MUC5AC: variants seen among roughly 807,000 people sequenced by gnomAD.
The protein encoded by MUC5AC is mucin-5AC.
MUC5AC carries 158 observed loss-of-function variants against 169.7 expected under a neutral mutation model. The ratio of observed to expected loss-of-function variants is 0.93; its 90% CI spans 0.82 to 1.06. The LOEUF is 1.06. Among genes scored for constraint, MUC5AC ranks in the 50% least tolerant of loss-of-function variants. The pLI is 0.00. For synonymous variants in MUC5AC, 1,975 were observed against 1,237.0 expected (o/e 1.60, Z -12.52); for missense variants, 4,359 against 3,089.9 (o/e 1.41, Z -9.74).
intron 15 of MUC5AC, among the ~76,000 whole-genome samples, chr11:1,169,418 T>C: frequency 1.1e-5 from 1 of 91,198 alleles, no homozygotes; most frequent in African/African-American, 7.3e-5. Flanking sequence ...ACTCACCCAT[T>C]CGCCCACTCA....
At chr11:1,174,473 C>T in intron 16 of MUC5AC, 23 bp from the exon 17 acceptor site, 8 of 1,435,258 alleles carry the variant, frequency 5.6e-6, no homozygotes, top group Non-Finnish European at 7.6e-6. Flanking sequence ...TCTCTGATGC[C>T]CCGATGACCC....
rs1265159996 is a variant in MUC5AC at position 1,183,964 on chromosome 11, C to T, written c.5819C>T (p.Pro1940Leu). Residue 1940 changes from proline to leucine, a missense_variant, in exon 31 of 49, where the codon CCC (proline) becomes CTC (leucine). Physicochemically the swap from Pro to Leu is moderately conservative, Grantham distance 98. Transcript: ENST00000621226. ...APGTSVVSSK[P>L]TPTEPSTSSC... ...GGGACCTCTGTGGTCTCCAGCAAGC[C>T]CACCCCCACGGAGCCCAGCACATCC... 7.6e-6 allele frequency: 3 copies of T among 395,456 alleles called. No homozygotes were observed. The highest frequency in any genetic ancestry group is 1.3e-5 in the Non-Finnish European group (3 of 227,572). 24.5% of individuals were successfully genotyped at this position (395,456 alleles called of 1,614,324 possible).
rs1182568597 is a variant in MUC5AC, at chr11:1,199,100, A to G, written c.16310A>G (p.Gln5437Arg). 2 of 764,676 alleles carry G rather than the reference A, an allele frequency of 2.6e-6. No homozygotes were observed. The highest frequency in any genetic ancestry group is 4.8e-6 in the Non-Finnish European group (2 of 417,710). The allele number at this position is 764,676 out of a possible 1,614,324, so 47.4% of individuals were successfully genotyped here. The change falls in exon 45 of 49, where the codon CAG (glutamine) becomes CGG (arginine). Residue 5437 changes from glutamine to arginine, a missense_variant. Coordinates refer to ENST00000621226, the MANE Select transcript of MUC5AC (RefSeq NM_001304359.2). ...TCCCTCCCGCAGGGCTTCGAGTACC[A>G]GGAGCAGAGCGGGCAGTGCTGTGGC... Reference protein sequence around the residue: ...NTHCPVGFEYQEQSGQCCGTC... With the variant: ...NTHCPVGFEYREQSGQCCGTC...
At position 1,189,967 on chromosome 11, in the gene MUC5AC, C is replaced by T; in HGVS notation, c.11822C>T (p.Ser3941Phe). The T allele has an allele frequency of 1.3e-6, 1 of 765,146 alleles. No homozygotes were observed. Among genetic ancestry groups the T allele is most frequent in the Non-Finnish European group, 2.4e-6 (1 of 417,892 alleles). 47.4% of individuals were successfully genotyped at this position (765,146 alleles called of 1,614,324 possible). ...ACCAGCACAAGCCATGTTTCTGTAT[C>T]CAAGACAACCCACTCCCAACCAGTC... ...SKTSTSHVSV[S>F]KTTHSQPVTR... The change falls in exon 31 of 49, where the codon TCC becomes TTC. Residue 3941 changes from serine to phenylalanine, a missense_variant. Transcript: ENST00000621226.
Position 1,192,251 on chromosome 11 carries a change from G to A in MUC5AC, c.14106G>A (p.Val4702=). The change falls in exon 31 of 49, where the codon GTG becomes GTA. Residue 4702 remains valine (V), a synonymous_variant. Transcript: ENST00000621226. ...VVQCSREEGL[V]CRNQDQQGPF... ...AGTGCAGCCGTGAAGAGGGCCTGGT[G>A]TGCCGGAACCAGGACCAGCAGGGAC... 1.3e-6 allele frequency: 1 copy of A among 765,112 alleles called. No homozygotes were observed. The highest frequency in any genetic ancestry group is 2.4e-6 in the Non-Finnish European group (1 of 417,912). The allele number at this position is 765,112 out of a possible 1,614,324, so 47.4% of individuals were successfully genotyped here.
intron 11 of MUC5AC, among the ~76,000 whole-genome samples, chr11:1,167,588 G>A (rs1238154718): frequency 2.6e-5 from 4 of 152,180 alleles, no homozygotes; most frequent in Admixed American, 1.3e-4. Flanking sequence ...CCCCTCTCTC[G>A]CCCAGCCCCT....
chr11:1,167,862 T>C lies in MUC5AC; in HGVS notation c.1387-15T>C. The C allele has an allele frequency of 6.5e-7, 1 of 1,548,244 alleles. No homozygotes were observed. Among genetic ancestry groups the C allele is most frequent in the Non-Finnish European group, 8.7e-7 (1 of 1,145,484 alleles). ...GGATGGAGTGTGAGGACCCCTGGTG[T>C]GTCGTGTTCCGCAGCCCTGTGACAG... On this transcript the variant is annotated splice_polypyrimidine_tract_variant and intron_variant, in intron 11 of 48. Coordinates refer to ENST00000621226, the MANE Select transcript of MUC5AC (RefSeq NM_001304359.2).
rs1329371894 is a variant in MUC5AC at position 1,191,266 on chromosome 11, G to A, written c.13121G>A (p.Gly4374Glu). ...ACAGCCAGCACAACCTCTGGTCCTG[G>A]AACTACTCCCAGCCCTGTTCCCACC... ...ASTASTTSGP[G>E]TTPSPVPTTS... The change falls in exon 31 of 49, where the codon GGA becomes GAA. Residue 4374 changes from glycine to glutamate, a missense_variant. Physicochemically the swap from Gly to Glu is moderately conservative, Grantham distance 98. Coordinates refer to ENST00000621226, the MANE Select transcript of MUC5AC (RefSeq NM_001304359.2). 6 of 730,590 alleles carry A rather than the reference G, an allele frequency of 8.2e-6. No homozygotes were observed. Among genetic ancestry groups the A allele is most frequent in the Non-Finnish European group, 5.0e-6 (2 of 403,020 alleles). The allele number at this position is 730,590 out of a possible 1,614,324, so 45.3% of individuals were successfully genotyped here. A position where few individuals can be genotyped will look rare whatever the true frequency, so the allele number is the denominator to read the frequency against.
chr11:1,160,657 C>T lies in MUC5AC; in HGVS notation c.119C>T (p.Pro40Leu). ...TCCGAATCCAGCTACAAGCACCACC[C>T]TGCCCTCTCTCCTATCGCCCGGGGG... Reference protein sequence around the residue: ...GSSESSYKHHPALSPIARGPS... With the variant: ...GSSESSYKHHLALSPIARGPS... Residue 40 changes from proline (P) to leucine (L), a missense_variant, in exon 2 of 49, where the codon CCT (proline) becomes CTT (leucine). Transcript: ENST00000621226. 1 of 1,610,784 alleles carries T rather than the reference C, an allele frequency of 6.2e-7. No homozygotes were observed. Among genetic ancestry groups the T allele is most frequent in the East Asian group, 2.2e-5 (1 of 44,850 alleles).
intron 15 of MUC5AC, among the ~76,000 whole-genome samples, chr11:1,170,115 C>T (rs1321236763): frequency 1.8e-5 from 2 of 109,794 alleles, no homozygotes; most frequent in African/African-American, 7.4e-5. Flanking sequence ...ACCCACTCAC[C>T]CATTCACCCA....
chr11:1,179,930 G>A (rs1860775780), intron 26 of MUC5AC, 92 bp from the exon 27 acceptor site: 1 of 397,826 alleles, frequency 2.5e-6, no homozygotes, highest in Admixed American at 4.4e-5. Flanking sequence ...GGAGGTGCAG[G>A]GGAGGGAAGC....
intron 6 of MUC5AC, 121 bp downstream of exon 6, chr11:1,163,166 C>T (rs1177451747): frequency 7.5e-6 from 7 of 935,366 alleles, no homozygotes; most frequent in Non-Finnish European, 1.0e-5. Context: ...ATGCAGCTGC[C>T]CTCCCTCCTA....
At position 1,163,970 on chromosome 11, in the gene MUC5AC, G is replaced by A. The variant is rs75860061; in HGVS notation, c.768G>A (p.Pro256=). 3,448 of 1,611,006 alleles carry A rather than the reference G, an allele frequency of 2.1e-3. 5 individuals carry two copies. Among genetic ancestry groups the A allele is most frequent in the Middle Eastern group, 4.6e-3 (28 of 6,060 alleles). ...GTCAGGACCCTGTCCCTGAACCCCCGAGGAACTGCTCCACTGGCTTTGTAA... is the reference window on the plus strand; with the variant it reads ...GTCAGGACCCTGTCCCTGAACCCCCAAGGAACTGCTCCACTGGCTTTGTAA... ...DQCQDPVPEP[P]RNCSTGFGIC... is the part of the protein sequence containing the mutation. The change falls in exon 7 of 49, where the codon CCG becomes CCA. Residue 256 remains proline (P), a synonymous_variant. Transcript: ENST00000621226.
Position 1,188,898 on chromosome 11 carries a change from G to C in MUC5AC, c.10753G>C (p.Val3585Leu). 1.3e-6 allele frequency: 1 copy of C among 763,222 alleles called. No individual in the cohort carries two copies. Among genetic ancestry groups the C allele is most frequent in the Non-Finnish European group, 2.4e-6 (1 of 416,916 alleles). The allele number at this position is 763,222 out of a possible 1,614,324, so 47.3% of individuals were successfully genotyped here. ...PEVSIEHLGQVVQCSREEGLV... is the reference protein window; with the variant it reads ...PEVSIEHLGQLVQCSREEGLV... ...GGTGAGCATCGAACACCTGGGCCAG[G>C]TGGTGCAGTGCAGCCGCGAAGAGGG... The change falls in exon 31 of 49, where the codon GTG becomes CTG. Residue 3585 changes from valine to leucine, a missense_variant. Coordinates refer to ENST00000621226, the MANE Select transcript of MUC5AC (RefSeq NM_001304359.2).
rs1302875357 is a variant in MUC5AC at position 1,199,142 on chromosome 11, C to A, written c.16352C>A (p.Ala5451Asp). The A allele has an allele frequency of 1.3e-6, 1 of 764,764 alleles. No individual in the cohort carries two copies. Among genetic ancestry groups the A allele is most frequent in the South Asian group, 1.3e-5 (1 of 74,566 alleles). The allele number at this position is 764,764 out of a possible 1,614,324, so 47.4% of individuals were successfully genotyped here. ...GQCCGTCVQVACVTNTSKSPA... is the reference protein window; with the variant it reads ...GQCCGTCVQVDCVTNTSKSPA... ...TGCTGTGGCACCTGTGTGCAGGTCGCCTGTGTCACCAACACCAGCAAGAGC... is the reference window on the plus strand; with the variant it reads ...TGCTGTGGCACCTGTGTGCAGGTCGACTGTGTCACCAACACCAGCAAGAGC... The change falls in exon 45 of 49, where the codon GCC becomes GAC. Residue 5451 changes from alanine (A) to aspartate (D), a missense_variant. Transcript: ENST00000621226.
At chr11:1,175,904 T>C (rs1296949863) in intron 19 of MUC5AC, among the ~76,000 whole-genome samples, 6 of 106,298 alleles carry the variant, frequency 5.6e-5, no homozygotes, top group African/African-American at 7.6e-5. Context: ...CACCCACACA[T>C]GCACACACAC....
At chr11:1,179,315 C>T (rs1205460319) in intron 26 of MUC5AC, 67 bp downstream of exon 26, 20 of 441,902 alleles carry the variant, frequency 4.5e-5, no homozygotes, top group Admixed American at 1.7e-4. Context: ...CCACACTCGC[C>T]GCTGATGCGT....
At chr11:1,172,630 C>G in intron 16 of MUC5AC, 107 bp downstream of exon 16, 1 of 398,146 alleles carries the variant, frequency 2.5e-6, no homozygotes, top group Non-Finnish European at 4.4e-6. Flanking sequence ...CAGGACTAAC[C>G]TTTCTAGGCT....
At position 1,190,520 on chromosome 11, in the gene MUC5AC, T is replaced by A. The variant is rs1402238699; in HGVS notation, c.12375T>A (p.Pro4125=). The A allele has an allele frequency of 1.0e-5, 5 of 500,010 alleles. No homozygotes were observed. Among genetic ancestry groups the A allele is most frequent in the South Asian group, 1.7e-5 (1 of 58,856 alleles). 31.0% of individuals were successfully genotyped at this position (500,010 alleles called of 1,614,324 possible). Residue 4125 remains proline, a synonymous_variant, in exon 31 of 49, where the codon CCT becomes CCA. Transcript: ENST00000621226. ...PASTPSTTSA[P]TTSTTSAPTT... ...CTACACCCAGCACAACCTCTGCCCC[T>A]ACAACCAGCACAACCTCTGCCCCTA...
Sources: allele counts gnomAD v4.1 joint callset (sites outside exome capture counted in the v4.1 genomes callset), GRCh38; gene constraint gnomAD v4.1.1; transcripts MANE v1.5; gene names NCBI Gene and HGNC (gene_info 2026-07-23, HGNC 2026-07-21).